The following CTIF variants were observed in gnomAD, a reference collection of about 807,000 sequenced individuals.
The protein encoded by CTIF is cap binding complex dependent translation initiation factor.
A neutral mutation model predicts 66.0 loss-of-function variants in CTIF; 21 were observed. That is an observed-to-expected ratio of 0.32 (90% CI 0.23 to 0.46). The LOEUF (loss-of-function observed/expected upper bound fraction) is 0.46. Ranked by LOEUF, CTIF falls within the 20% of genes least tolerant of loss-of-function variation. The pLI is 1.00. For missense variants in CTIF, 739 were observed against 812.7 expected, an observed-to-expected ratio of 0.91 and a Z score of 1.10; for synonymous variants, 345 against 326.4, an observed-to-expected ratio of 1.06 and a Z score of -0.62.
At chr18:48,836,252 G>A (rs747661141) in intron 10 of CTIF, among the ~76,000 whole-genome samples, 4 of 152,286 alleles carry the variant, frequency 2.6e-5, no homozygotes, top group East Asian at 1.9e-4. Flanking sequence ...TGGAGCTGAC[G>A]TGGTCCCATC....
chr18:48,692,570 T>C (rs978972762), intron 6 of CTIF: 2 of 152,232 alleles, frequency 1.3e-5, no homozygotes, highest in Non-Finnish European at 2.9e-5. Context: ...TCTCAAACTT[T>C]AGCGTGCATA....
intron 3 of CTIF, among the ~76,000 whole-genome samples, chr18:48,643,809 G>C (rs1177107878): frequency 6.6e-6 from 1 of 152,148 alleles, no homozygotes; most frequent in Non-Finnish European, 1.5e-5. Context: ...ATGCACTGGA[G>C]TTTAAGGCCT....
At chr18:48,772,535 A>AGCAATAACTCCCCTACAGCAATCAC (rs1555690384) in intron 9 of CTIF, among the ~76,000 whole-genome samples, 1 of 151,976 alleles carries the variant, frequency 6.6e-6, no homozygotes, top group Admixed American at 6.6e-5. Flanking sequence ...CCTCCCCTCC[A>AGCAATAACTCCCCTACAGCAATCAC]TCTTCCATCT....
intron 6 of CTIF, among the ~76,000 whole-genome samples, chr18:48,708,874 C>CT (rs2092192005): frequency 6.6e-6 from 1 of 152,144 alleles, no homozygotes; most frequent in Non-Finnish European, 1.5e-5. Flanking sequence ...CTGCTGGACT[C>CT]TTTTCCAAGG....
chr18:48,578,093 G>A (rs1433236807), intron 1 of CTIF, among the ~76,000 whole-genome samples: 1 of 151,930 alleles, frequency 6.6e-6, no homozygotes, highest in Admixed American at 6.6e-5. Flanking sequence ...TTTGTAACTG[G>A]CTTCTTTCAC....
At position 48,603,775 on chromosome 18, in the gene CTIF, G is replaced by C. The variant is rs1347683863; in HGVS notation, c.-28-15763G>C. On this transcript the variant is annotated intron_variant, in intron 1 of 11. Transcript: ENST00000256413. Reference sequence around the variant, plus strand: ...ACCATGAGATGCATCCTCATCTTTGGTGAGGCAACAGATACCCTTCCAGGA... The same window carrying C: ...ACCATGAGATGCATCCTCATCTTTGCTGAGGCAACAGATACCCTTCCAGGA... Among the ~76,000 whole-genome samples, 3 of 152,072 alleles carry C rather than the reference G, an allele frequency of 2.0e-5. No individual in the cohort carries two copies. In the East Asian group the frequency reaches 5.8e-4, roughly 29 times the overall value.
chr18:48,552,119 G>A lies in CTIF; in HGVS notation c.-29+12807G>A, dbSNP rs552763190. Among the ~76,000 whole-genome samples, 20 of 152,300 alleles carry A rather than the reference G, an allele frequency of 1.3e-4. No individual in the cohort carries two copies. In the South Asian group the frequency reaches 4.1e-3, roughly 32 times the overall value. ...GCCTGGCCTAATAATAACTTTCAAA[G>A]CCTAACAGTTGCTAAGTATTGTGGT... On this transcript the variant is annotated intron_variant, in intron 1 of 11. Transcript: ENST00000256413.
chr18:48,645,579 C>T (rs761336012), intron 3 of CTIF, among the ~76,000 whole-genome samples: 34 of 152,316 alleles, frequency 2.2e-4, no homozygotes, highest in African/African-American at 3.1e-4. Flanking sequence ...CTTTCGTCCC[C>T]GCCAACTGGT....
intron 1 of CTIF, among the ~76,000 whole-genome samples, chr18:48,546,692 A>G (rs1156239969): frequency 1.3e-5 from 2 of 152,014 alleles, no homozygotes; most frequent in Non-Finnish European, 2.9e-5. Flanking sequence ...TCGTGACTGC[A>G]TCTCCTCCGA....
intron 10 of CTIF, among the ~76,000 whole-genome samples, chr18:48,831,795 A>C (rs1301982696): frequency 6.6e-6 from 1 of 152,244 alleles, no homozygotes; most frequent in Non-Finnish European, 1.5e-5. Flanking sequence ...CAATATTAAA[A>C]AGTACCAATG....
chr18:48,745,633 G>A (rs2092589561), intron 7 of CTIF, among the ~76,000 whole-genome samples: 1 of 152,202 alleles, frequency 6.6e-6, no homozygotes, highest in Non-Finnish European at 1.5e-5. Flanking sequence ...TAAGCCTCAG[G>A]ACCTCAGCAT....
intron 5 of CTIF, among the ~76,000 whole-genome samples, chr18:48,669,086 C>T (rs299743): frequency 0.2 from 31,070 of 152,050 alleles, 4,023 homozygotes; most frequent in African/African-American, 0.37. Flanking sequence ...TTTATGACAC[C>T]GATCTCGTGC....
intron 2 of CTIF, among the ~76,000 whole-genome samples, chr18:48,624,372 A>T (rs1177055550): frequency 6.6e-6 from 1 of 151,734 alleles, no homozygotes; most frequent in Non-Finnish European, 1.5e-5. Flanking sequence ...CCCCATCCCC[A>T]CCCCACCTAC....
At chr18:48,548,641 T>C (rs1053172082) in intron 1 of CTIF, among the ~76,000 whole-genome samples, 2 of 152,264 alleles carry the variant, frequency 1.3e-5, no homozygotes, top group African/African-American at 4.8e-5. Flanking sequence ...TGAAGGACCC[T>C]GTGCAGACAA....
chr18:48,754,138 C>T (rs1186134902), intron 7 of CTIF, among the ~76,000 whole-genome samples: 3 of 152,158 alleles, frequency 2.0e-5, no homozygotes, highest in Admixed American at 1.3e-4. Context: ...AGAATTTGGA[C>T]CTCATGCAGT....
chr18:48,725,208 C>T (rs1408501371), intron 7 of CTIF, among the ~76,000 whole-genome samples: 3 of 152,146 alleles, frequency 2.0e-5, no homozygotes, highest in African/African-American at 7.2e-5. Flanking sequence ...CTGTGAGCTG[C>T]AGCCACGGTG....
In CTIF at chr18:48,817,137, A is replaced by G. The variant is rs1005215629; in HGVS notation, c.1372-84A>G. On this transcript the variant is annotated intron_variant, in intron 9 of 11. Coordinates refer to ENST00000256413, the MANE Select transcript of CTIF (RefSeq NM_014772.3). ...CCTGCTGCCCAGGAGCAGCCCCAAG[A>G]CAACAGATGCTCTGCACAGCAGGGT... 17 of 1,390,682 alleles carry G rather than the reference A, an allele frequency of 1.2e-5. No individual in the cohort carries two copies. In the Admixed American group the frequency reaches 2.5e-4, roughly 20 times the overall value. The allele number at this position is 1,390,682 out of a possible 1,614,324, so 86.1% of individuals were successfully genotyped here.
intron 9 of CTIF, among the ~76,000 whole-genome samples, chr18:48,778,565 G>C (rs963250311): frequency 6.6e-6 from 1 of 152,168 alleles, no homozygotes; most frequent in Non-Finnish European, 1.5e-5. Flanking sequence ...GTTGGCAGAA[G>C]GGGTAGTTCA....
At chr18:48,764,712 GC>G (rs999924686) in intron 9 of CTIF, among the ~76,000 whole-genome samples, 1 of 152,172 alleles carries the variant, frequency 6.6e-6, no homozygotes, top group African/African-American at 2.4e-5. Flanking sequence ...TGGAGTATCT[GC>G]GGGTCAGGTC....
Sources: allele counts gnomAD v4.1 joint callset (sites outside exome capture counted in the v4.1 genomes callset), GRCh38; gene constraint gnomAD v4.1.1; transcripts MANE v1.5; gene names NCBI Gene and HGNC (gene_info 2026-07-23, HGNC 2026-07-21).